TAFA1: variants seen among roughly 807,000 people sequenced by gnomAD.
The protein encoded by TAFA1 is TAFA chemokine like family member 1, also known as chemokine-like protein TAFA-1.
In TAFA1, 4 loss-of-function variants were observed where a neutral mutation model predicts 18.5. The ratio of observed to expected loss-of-function variants is 0.22; its 90% confidence interval spans 0.11 to 0.49. The LOEUF is 0.49. Among genes scored for constraint, TAFA1 ranks in the 20% least tolerant of loss-of-function variants. The pLI is 0.98. For missense variants in TAFA1, 147 were observed against 169.0 expected, an observed-to-expected ratio of 0.87 and a Z score of 0.72; for synonymous variants, 56 against 55.2, an observed-to-expected ratio of 1.01 and a Z score of -0.06.
At chr3:68,506,796 G>T (rs1453879464) in intron 3 of TAFA1, among the ~76,000 whole-genome samples, 1 of 150,624 alleles carries the variant, frequency 6.6e-6, no homozygotes, top group African/African-American at 2.4e-5. Flanking sequence ...TCCCCAAAAT[G>T]CCCTTCTTTT....
chr3:68,381,343 C>G (rs2069949683), intron 2 of TAFA1, among the ~76,000 whole-genome samples: 2 of 151,076 alleles, frequency 1.3e-5, no homozygotes, highest in Non-Finnish European at 3.0e-5. Context: ...GGCATTGAAT[C>G]TATAAATTAC....
intron 3 of TAFA1, among the ~76,000 whole-genome samples, chr3:68,495,725 G>T (rs2072534261): frequency 6.6e-6 from 1 of 152,098 alleles, no homozygotes; most frequent in African/African-American, 2.4e-5. Context: ...CCGAGGACAG[G>T]TATCTAAAAC....
At chr3:68,507,504 T>C (rs769165392) in intron 3 of TAFA1, among the ~76,000 whole-genome samples, 22 of 152,092 alleles carry the variant, frequency 1.4e-4, no homozygotes, top group Non-Finnish European at 2.9e-4. Context: ...CTTCACCCCT[T>C]CTCCCCTTTG....
intron 2 of TAFA1, among the ~76,000 whole-genome samples, chr3:68,226,193 G>A (rs2066797910): frequency 6.6e-6 from 1 of 152,090 alleles, no homozygotes. Flanking sequence ...AAAAACAAGG[G>A]GTCAGGGTAT....
chr3:68,108,435 GGT>G (rs59097248), intron 2 of TAFA1, among the ~76,000 whole-genome samples: 1,866 of 140,830 alleles, frequency 0.013, 35 homozygotes, highest in African/African-American at 0.04. Context: ...TTTATTTGAA[GGT>G]GTGTGTGTGT....
chr3:68,273,201 G>A (rs1412279521), intron 2 of TAFA1, among the ~76,000 whole-genome samples: 1 of 152,104 alleles, frequency 6.6e-6, no homozygotes, highest in Non-Finnish European at 1.5e-5. Flanking sequence ...CATGTGAAGG[G>A]GAAGAAGGAA....
At position 68,370,433 on chromosome 3, in the gene TAFA1, T is replaced by C. The variant is rs1163100882; in HGVS notation, c.119-46847T>C. Among the ~76,000 whole-genome samples, 62 of 82,052 alleles carry C rather than the reference T, an allele frequency of 7.6e-4. 2 individuals carry two copies. The highest frequency in any genetic ancestry group is 1.1e-3 in the Non-Finnish European group (49 of 43,778). The allele number at this position is 82,052 out of a possible 152,430, so 53.8% of individuals were successfully genotyped here. ...ATATATATGTACACACACACACACA[T>C]ATATATACATATGTATATATATGTG... On this transcript the variant is annotated intron_variant, in intron 2 of 4. Coordinates refer to ENST00000478136, the MANE Select transcript of TAFA1 (RefSeq NM_213609.4).
intron 2 of TAFA1, among the ~76,000 whole-genome samples, chr3:68,054,812 A>G (rs894955849): frequency 1.9e-4 from 29 of 152,240 alleles, no homozygotes; most frequent in Admixed American, 1.1e-3. Context: ...TCTATTTAAC[A>G]GACAGTTAAC....
intron 2 of TAFA1, among the ~76,000 whole-genome samples, chr3:68,248,908 GT>G (rs1451275472): frequency 6.6e-6 from 1 of 151,952 alleles, no homozygotes; most frequent in Non-Finnish European, 1.5e-5. Flanking sequence ...CGAATATGTT[GT>G]CCAGCCCATT....
chr3:68,443,746 G>T (rs2071427711), intron 3 of TAFA1, among the ~76,000 whole-genome samples: 1 of 152,046 alleles, frequency 6.6e-6, no homozygotes, highest in South Asian at 2.1e-4. Context: ...GGAATTGTGG[G>T]AGTTACATAT....
chr3:68,155,076 C>G (rs2065851227), intron 2 of TAFA1, among the ~76,000 whole-genome samples: 2 of 152,278 alleles, frequency 1.3e-5, no homozygotes, highest in East Asian at 1.9e-4. Flanking sequence ...ACAAACCAAT[C>G]CTATGAGTTA....
chr3:68,530,939 A>G (rs2073179283), intron 3 of TAFA1, among the ~76,000 whole-genome samples: 2 of 152,164 alleles, frequency 1.3e-5, no homozygotes, highest in Non-Finnish European at 2.9e-5. Flanking sequence ...TCAAAAGCCA[A>G]TATATTTTTT....
chr3:68,124,251 GCTT>G (rs1320877970), intron 2 of TAFA1, among the ~76,000 whole-genome samples: 2 of 152,168 alleles, frequency 1.3e-5, no homozygotes, highest in African/African-American at 4.8e-5. Context: ...CATGACAGAA[GCTT>G]CTTCTATTTT....
chr3:68,342,078 G>A (rs901531145), intron 2 of TAFA1, among the ~76,000 whole-genome samples: 1 of 152,132 alleles, frequency 6.6e-6, no homozygotes, highest in Non-Finnish European at 1.5e-5. Context: ...ATGGGTGGAA[G>A]GCTTCCACCC....
At chr3:68,393,690 G>A (rs112631568) in intron 2 of TAFA1, among the ~76,000 whole-genome samples, 4,301 of 152,190 alleles carry the variant, frequency 0.028, 172 homozygotes, top group East Asian at 0.13. Context: ...TCATCCCGAG[G>A]ATGCAAAGCT....
chr3:68,042,250 C>A (rs1174564728), intron 2 of TAFA1, among the ~76,000 whole-genome samples: 2 of 38,244 alleles, frequency 5.2e-5, no homozygotes, highest in South Asian at 3.6e-3. Context: ...TATAGAATTT[C>A]CCCAGTGTTT....
intron 2 of TAFA1, among the ~76,000 whole-genome samples, chr3:68,107,566 A>T (rs1029332205): frequency 6.6e-6 from 1 of 152,046 alleles, no homozygotes; most frequent in South Asian, 2.1e-4. Flanking sequence ...GTTCTACAGT[A>T]TTTTCTTCTA....
chr3:68,198,240 T>C (rs1002628869), intron 2 of TAFA1, among the ~76,000 whole-genome samples: 14 of 151,692 alleles, frequency 9.2e-5, no homozygotes, highest in African/African-American at 3.4e-4. Flanking sequence ...AATATTCCAT[T>C]GTCTGGGTGT....
chr3:68,180,146 G>GCAGAATGTAGCTGGGACTC (rs1319052277), intron 2 of TAFA1, among the ~76,000 whole-genome samples: 1 of 151,148 alleles, frequency 6.6e-6, no homozygotes, highest in African/African-American at 2.4e-5. Flanking sequence ...TTCTGCCTTA[G>GCAGAATGTAGCTGGGACTC]CCTCCCATGT....
Sources: allele counts gnomAD v4.1 joint callset (sites outside exome capture counted in the v4.1 genomes callset), GRCh38; gene constraint gnomAD v4.1.1; transcripts MANE v1.5; gene names NCBI Gene and HGNC (gene_info 2026-07-23, HGNC 2026-07-21).